The following CCDC33 variants were observed in gnomAD, a reference collection of about 807,000 sequenced individuals.
CCDC33 encodes the protein coiled-coil domain-containing protein 33.
Under a neutral mutation model 91.9 loss-of-function variants are expected in CCDC33, and 94 were observed. The ratio of observed to expected loss-of-function variants is 1.02; its 90% CI spans 0.87 to 1.21. The LOEUF is 1.21. Ranked by LOEUF, CCDC33 falls within the 50% of genes most tolerant of loss-of-function variation. The pLI, the probability that CCDC33 is intolerant of heterozygous loss-of-function variation, is 0.00. For missense variants in CCDC33, 940 were observed against 935.5 expected (o/e 1.00, Z -0.06); for synonymous variants, 396 against 374.5 (o/e 1.06, Z -0.66).
At chr15:74,245,722 C>T (rs1211769247) in intron 2 of CCDC33, among the ~76,000 whole-genome samples, 1 of 151,694 alleles carries the variant, frequency 6.6e-6, no homozygotes, top group East Asian at 1.9e-4. Context: ...TCCTCCTGCA[C>T]CCTCCCTGTG....
At position 74,262,513 on chromosome 15, in the gene CCDC33, G is replaced by T. The variant is rs2076053343; in HGVS notation, c.259G>T (p.Ala87Ser). 1 of 1,613,884 alleles carries T rather than the reference G, an allele frequency of 6.2e-7. No individual in the cohort carries two copies. Among genetic ancestry groups the T allele is most frequent in the Admixed American group, 1.7e-5 (1 of 59,996 alleles). The change falls in exon 3 of 19, where the codon GCC becomes TCC. Residue 87 changes from alanine to serine, a missense_variant. Coordinates refer to ENST00000398814, the MANE Select transcript of CCDC33 (RefSeq NM_025055.5). ...VTSVTSEPTR[A>S]PIWGDTVNVE... ...ATCTGTGACCTCAGAGCCCACCAGA[G>T]CCCCTATCTGGGGGGACACGGTGAA...
intron 11 of CCDC33, among the ~76,000 whole-genome samples, chr15:74,297,882 C>T (rs2059719223): frequency 6.6e-6 from 1 of 152,170 alleles, no homozygotes; most frequent in East Asian, 1.9e-4. Context: ...AACCCTCTGC[C>T]CTCCCCAAGC....
At chr15:74,302,566 C>T (rs1018327262) in intron 11 of CCDC33, 4 of 152,340 alleles carry the variant, frequency 2.6e-5, no homozygotes, top group Non-Finnish European at 4.4e-5. Context: ...AGCAGAGACA[C>T]CCTGAGCCTA....
chr15:74,240,110 G>A (rs564439131), intron 1 of CCDC33, among the ~76,000 whole-genome samples: 5 of 152,344 alleles, frequency 3.3e-5, no homozygotes, highest in South Asian at 4.1e-4. Context: ...CCTGCCCAGC[G>A]GGCACATGCC....
chr15:74,203,722 A>T (rs1410855686), intron 1 of CCDC33, among the ~76,000 whole-genome samples: 2 of 152,210 alleles, frequency 1.3e-5, no homozygotes, highest in African/African-American at 2.4e-5. Flanking sequence ...AGATAACTAA[A>T]TCCCCTCCAA....
chr15:74,243,774 G>A (rs779233514), intron 1 of CCDC33: 18 of 601,164 alleles, frequency 3.0e-5, no homozygotes, highest in Middle Eastern at 4.5e-4. Flanking sequence ...GGGAAATCCC[G>A]TCTCTACTAA....
rs1395893822 is a variant in CCDC33, at chr15:74,218,685, C to G, written c.499C>G (p.Leu167Val). ...GGACCTGTACCGCTACTGTGGCAAC[C>G]TGGCTCTGCTCCGGGCTAGCACGGA... Residue 167 changes from leucine to valine, a missense_variant, in exon 2 of 3, where the codon CTG becomes GTG. By Grantham distance (32) the Leu-to-Val change is conservative. Coordinates refer to the CCDC33 transcript ENST00000635913. The surrounding 1 kb of genome is among the most constrained non-coding windows in gnomAD (Gnocchi z 4.8). 1.6e-6 allele frequency: 2 copies of G among 1,289,874 alleles called. No homozygotes were observed. The highest frequency in any genetic ancestry group is 2.3e-5 in the Admixed American group (1 of 43,574). The allele number at this position is 1,289,874 out of a possible 1,614,324, so 79.9% of individuals were successfully genotyped here. A position where few individuals can be genotyped will look rare whatever the true frequency, so the allele number is the denominator to read the frequency against.
intron 4 of CCDC33, 42 bp downstream of exon 4, chr15:74,266,829 A>T: frequency 2.1e-6 from 3 of 1,416,826 alleles, no homozygotes; most frequent in Non-Finnish European, 3.0e-6. Flanking sequence ...AGCAGGTGGG[A>T]ACCACCTTGA....
At chr15:74,314,602 C>T (rs917326674) in intron 11 of CCDC33, among the ~76,000 whole-genome samples, 31 of 152,128 alleles carry the variant, frequency 2.0e-4, no homozygotes, top group Admixed American at 6.5e-5. Context: ...CTAGTCTGGA[C>T]CCATCCCAGG....
intron 2 of CCDC33, among the ~76,000 whole-genome samples, chr15:74,228,657 C>T (rs948960933): frequency 2.0e-5 from 3 of 152,226 alleles, no homozygotes; most frequent in South Asian, 2.1e-4. Flanking sequence ...GTGGAGCTCA[C>T]GGATGGGCAT....
Position 74,280,749 on chromosome 15 carries a change from T to C in CCDC33, c.971T>C (p.Met324Thr), listed in dbSNP as rs767033978. The C allele has an allele frequency of 6.3e-7, 1 of 1,577,370 alleles. No homozygotes were observed. The highest frequency in any genetic ancestry group is 8.6e-7 in the Non-Finnish European group (1 of 1,161,532). Residue 324 changes from methionine (M) to threonine (T), a missense_variant, in exon 9 of 19, where the codon ATG (methionine) becomes ACG (threonine). Coordinates refer to ENST00000398814, the MANE Select transcript of CCDC33 (RefSeq NM_025055.5). Reference protein sequence around the residue: ...LPLKSRLYQKMLTGKGLDGLH... With the variant: ...LPLKSRLYQKTLTGKGLDGLH... ...CTAAAGAGCCGTTTGTACCAGAAGA[T>C]GCTGACAGGGAAAGGCTTGGACGGG...
At chr15:74,213,529 A>G (rs1028402597), upstream of CCDC33, 3 of 152,268 alleles carry the variant, frequency 2.0e-5, no homozygotes, top group Admixed American at 1.3e-4. Context: ...GTACATGTTA[A>G]TAAGGTGTAC....
chr15:74,235,063 C>T (rs1299017022), upstream of CCDC33, among the ~76,000 whole-genome samples: 1 of 152,200 alleles, frequency 6.6e-6, no homozygotes, highest in East Asian at 1.9e-4. Context: ...CCTTTCCACA[C>T]ATACACACTG....
At chr15:74,289,251 G>A (rs2059540193) in intron 10 of CCDC33, among the ~76,000 whole-genome samples, 1 of 152,252 alleles carries the variant, frequency 6.6e-6, no homozygotes, top group South Asian at 2.1e-4. Flanking sequence ...GGAAGAGACA[G>A]ACAACCATCT....
intron 15 of CCDC33, 31 bp downstream of exon 15, chr15:74,331,327 C>A: frequency 6.2e-7 from 1 of 1,606,752 alleles, no homozygotes; most frequent in South Asian, 1.1e-5. Flanking sequence ...GATCAGCTCC[C>A]CAGCTTCTGC....
At chr15:74,280,554 G>T (rs1045779847) in intron 8 of CCDC33, 114 bp from the exon 9 acceptor site, 2 of 1,252,382 alleles carry the variant, frequency 1.6e-6, no homozygotes, top group African/African-American at 3.1e-5. Flanking sequence ...GCAGGGAAAG[G>T]CCAGGAGGCA....
chr15:74,334,377 TCCAGGGTCAGGGTTCAGTGTGTGA>T (rs2060513667), intron 17 of CCDC33, among the ~76,000 whole-genome samples: 4 of 59,090 alleles, frequency 6.8e-5, no homozygotes, highest in Admixed American at 1.7e-4. Flanking sequence ...TCAGTGTACA[TCCAGGGTCAGGGTTCAGTGTGTGA>T]CCAGGGTTAG....
At position 74,256,735 on chromosome 15, in the gene CCDC33, T is replaced by C. The variant is rs117149087; in HGVS notation, c.186-5705T>C. Among the ~76,000 whole-genome samples the C allele has an allele frequency of 4.1e-3, 622 of 152,296 alleles. 3 individuals carry two copies. Among genetic ancestry groups the C allele is most frequent in the Non-Finnish European group, 5.7e-3 (389 of 68,006 alleles). ...CTCAAAAAGAGCAAAAAAGTATCTC[T>C]GGAAAACAAGGAAATCCCCTTCCCA... is the stretch of plus-strand genomic sequence containing the variant. On this transcript the variant is annotated intron_variant, in intron 2 of 18. Coordinates refer to ENST00000398814, the MANE Select transcript of CCDC33 (RefSeq NM_025055.5).
intron 10 of CCDC33, among the ~76,000 whole-genome samples, chr15:74,282,974 G>T (rs901197577): frequency 6.6e-6 from 1 of 152,168 alleles, no homozygotes. Flanking sequence ...TTCTTCCCAC[G>T]CAGGAAAAAT....
Sources: gnomAD v4.1 joint callset for allele counts (sites outside exome capture counted in the v4.1 genomes callset) on GRCh38, gnomAD v4.1.1 for gene constraint, Gnocchi (gnomAD v3.1) non-coding constraint, MANE v1.5 for transcripts, NCBI Gene and HGNC (gene_info 2026-07-23, HGNC 2026-07-21) for gene names.